ARHGAP25: variants seen among roughly 807,000 people sequenced by gnomAD.
ARHGAP25 encodes rho GTPase-activating protein 25.
Under a neutral mutation model 71.0 loss-of-function variants are expected in ARHGAP25, and 34 were observed. The ratio of observed to expected loss-of-function variants is 0.48; its 90% CI spans 0.36 to 0.64. The LOEUF (loss-of-function observed/expected upper bound fraction) is 0.64. Among genes scored for constraint, ARHGAP25 ranks in the 30% least tolerant of loss-of-function variants. ARHGAP25 has a pLI of 0.00. For synonymous variants in ARHGAP25, 282 were observed against 296.5 expected (o/e 0.95, Z 0.50); for missense variants, 706 against 805.1 (o/e 0.88, Z 1.49).
chr2:68,738,562 C>T (rs1308238087), intron 1 of ARHGAP25, among the ~76,000 whole-genome samples: 1 of 152,062 alleles, frequency 6.6e-6, no homozygotes, highest in African/African-American at 2.4e-5. Flanking sequence ...TTTGCTGTGC[C>T]CAAAGTATTT....
At position 68,813,455 on chromosome 2, in the gene ARHGAP25, GA is replaced by G. The variant is rs750772209; in HGVS notation, c.807+39del. Reference sequence around the variant, plus strand: ...TAGAGTTAGTTGTCCTGCCTTAGAAGAAAGTGATTGGTTTTCTGGACACTAA... The same window carrying G: ...TAGAGTTAGTTGTCCTGCCTTAGAAGAAGTGATTGGTTTTCTGGACACTAA... On this transcript the variant is annotated intron_variant, in intron 6 of 10. Transcript: ENST00000409202. The G allele has an allele frequency of 2.3e-5, 36 of 1,597,718 alleles. No individual in the cohort carries two copies. In the African/African-American group the frequency reaches 4.4e-4, roughly 20 times the overall value.
intron 1 of ARHGAP25, among the ~76,000 whole-genome samples, chr2:68,756,974 A>T (rs1204129964): frequency 6.6e-6 from 1 of 152,154 alleles, no homozygotes; most frequent in Non-Finnish European, 1.5e-5. Context: ...TAGAAAACAT[A>T]AGAAAGAAAC....
At chr2:68,731,627 T>C (rs1034224103), upstream of ARHGAP25, among the ~76,000 whole-genome samples, 12 of 152,232 alleles carry the variant, frequency 7.9e-5, no homozygotes, top group Admixed American at 6.5e-4. Context: ...ACCCCTTTCA[T>C]CCTTCTTAGG....
chr2:68,713,016 TTCAAAG>T (rs1674524256), intron 2 of ARHGAP25, among the ~76,000 whole-genome samples: 1 of 152,182 alleles, frequency 6.6e-6, no homozygotes, highest in Non-Finnish European at 1.5e-5. Context: ...CCATATGAAA[TTCAAAG>T]TAGTTTTTTC....
chr2:68,814,914 T>C (rs1169735939), intron 6 of ARHGAP25, among the ~76,000 whole-genome samples: 1 of 152,232 alleles, frequency 6.6e-6, no homozygotes, highest in East Asian at 1.9e-4. Context: ...GAAAGGGATA[T>C]GAAAAGTCTT....
At chr2:68,725,811 G>T (rs553875357) in intron 2 of ARHGAP25, among the ~76,000 whole-genome samples, 1 of 152,080 alleles carries the variant, frequency 6.6e-6, no homozygotes, top group Non-Finnish European at 1.5e-5. Context: ...CCTCCTTGGG[G>T]TCTCTTGAAG....
At chr2:68,812,155 G>T (rs1372365042) in intron 5 of ARHGAP25, among the ~76,000 whole-genome samples, 7 of 152,146 alleles carry the variant, frequency 4.6e-5, no homozygotes, top group South Asian at 2.1e-4. Context: ...ATAATACTCT[G>T]CTCAGTACAT....
At chr2:68,821,516 G>A (rs1261682578) in intron 9 of ARHGAP25, among the ~76,000 whole-genome samples, 1 of 152,114 alleles carries the variant, frequency 6.6e-6, no homozygotes, top group Non-Finnish European at 1.5e-5. Flanking sequence ...TGGGTCAGAG[G>A]GTAAATAGAT....
intron 5 of ARHGAP25, among the ~76,000 whole-genome samples, 169 bp from the exon 6 acceptor site, chr2:68,813,118 G>T (rs755531089): frequency 6.6e-6 from 1 of 152,164 alleles, no homozygotes; most frequent in Non-Finnish European, 1.5e-5. Context: ...CCAGAAGGGC[G>T]AATTAACAAA....
intron 1 of ARHGAP25, chr2:68,774,801 C>A: frequency 1.8e-6 from 2 of 1,090,014 alleles, no homozygotes; most frequent in Non-Finnish European, 2.2e-6. Flanking sequence ...GGGACTCACC[C>A]CGAGCCTTCA....
At chr2:68,795,626 G>A (rs374298757) in intron 4 of ARHGAP25, among the ~76,000 whole-genome samples, 17 of 152,220 alleles carry the variant, frequency 1.1e-4, no homozygotes, top group Admixed American at 9.8e-4. Context: ...GGTCTGAGAA[G>A]ATACTTGATA....
chr2:68,747,873 C>T (rs958614240), intron 1 of ARHGAP25, among the ~76,000 whole-genome samples: 1 of 151,816 alleles, frequency 6.6e-6, no homozygotes, highest in African/African-American at 2.4e-5. Context: ...CTGACTATTT[C>T]CGTTATCTCC....
chr2:68,733,162 G>T (rs1384197939), upstream of ARHGAP25, among the ~76,000 whole-genome samples: 1 of 152,194 alleles, frequency 6.6e-6, no homozygotes, highest in Non-Finnish European at 1.5e-5. Flanking sequence ...AGAAAGGCAG[G>T]CAGACAGCCA....
At position 68,826,353 on chromosome 2, in the gene ARHGAP25, A is replaced by G; in HGVS notation, c.*159A>G. 1 of 749,564 alleles carries G rather than the reference A, an allele frequency of 1.3e-6. No homozygotes were observed. The highest frequency in any genetic ancestry group is 2.7e-5 in the East Asian group (1 of 37,370). The allele number at this position is 749,564 out of a possible 1,614,324, so 46.4% of individuals were successfully genotyped here. ...CCATAAATAAATGAATGGAGTTTGC[A>G]GGAAGGTGAGGGTGAGCAGAGATGT... On this transcript the variant is annotated 3_prime_UTR_variant, in exon 11 of 11. Coordinates refer to ENST00000409202, the MANE Select transcript of ARHGAP25 (RefSeq NM_001007231.3).
chr2:68,806,847 G>C (rs944279579), intron 4 of ARHGAP25, among the ~76,000 whole-genome samples: 1 of 152,160 alleles, frequency 6.6e-6, no homozygotes, highest in African/African-American at 2.4e-5. Flanking sequence ...ATATTGTTGG[G>C]AGTTCACTGC....
chr2:68,810,366 CA>C (rs1680697309), intron 5 of ARHGAP25, among the ~76,000 whole-genome samples: 1 of 152,132 alleles, frequency 6.6e-6, no homozygotes, highest in Admixed American at 6.5e-5. Context: ...GGGCTTTTCA[CA>C]TGGTCTTGTG....
At chr2:68,737,483 A>T in intron 1 of ARHGAP25, among the ~76,000 whole-genome samples, 1 of 152,070 alleles carries the variant, frequency 6.6e-6, no homozygotes, top group East Asian at 1.9e-4. Flanking sequence ...CTTGGCCTCT[A>T]CCTTCTAGGT....
rs1260324902 is a variant in ARHGAP25, at chr2:68,783,466, G to GT, written c.349+1157dup. On this transcript the variant is annotated intron_variant, in intron 3 of 10. Transcript: ENST00000409202. ...TTTGTTTTTTTTGTTTTTTGTTTTT[G>GT]TTTTTTTTTTTGAGTTGGGACAGTC... is the stretch of plus-strand genomic sequence containing the variant. Among the ~76,000 whole-genome samples, 438 of 143,794 alleles carry GT rather than the reference G, an allele frequency of 3.0e-3. 2 individuals are homozygous for GT. Among genetic ancestry groups the GT allele is most frequent in the Non-Finnish European group, 3.8e-3 (250 of 65,132 alleles). The allele number at this position is 143,794 out of a possible 152,430, so 94.3% of individuals were successfully genotyped here. A position where few individuals can be genotyped will look rare whatever the true frequency, so the allele number is the denominator to read the frequency against.
At chr2:68,815,661 A>T (rs555873114) in intron 6 of ARHGAP25, among the ~76,000 whole-genome samples, 3 of 152,062 alleles carry the variant, frequency 2.0e-5, no homozygotes, top group Non-Finnish European at 4.4e-5. Flanking sequence ...GATGGTGATT[A>T]CAGACCCTAC....
Sources: allele counts gnomAD v4.1 joint callset (sites outside exome capture counted in the v4.1 genomes callset), GRCh38; gene constraint gnomAD v4.1.1; transcripts MANE v1.5; gene names NCBI Gene and HGNC (gene_info 2026-07-23, HGNC 2026-07-21).